Variants in BCKDK observed in about 807,000 individuals in gnomAD.
The protein encoded by BCKDK is branched-chain alpha-ketoacid dehydrogenase kinase.
BCKDK carries 28 observed loss-of-function variants against 43.9 expected under a neutral mutation model. The ratio of observed to expected loss-of-function variants is 0.64; its 90% CI spans 0.47 to 0.87. The LOEUF (loss-of-function observed/expected upper bound fraction) is 0.87, where lower values mean the gene tolerates loss of function less well. Ranked by LOEUF, BCKDK falls within the 40% of genes least tolerant of loss-of-function variation. The pLI, the probability that BCKDK is intolerant of heterozygous loss-of-function variation, is 0.00. For synonymous variants in BCKDK, 257 were observed against 234.3 expected (o/e 1.10, Z -0.88); for missense variants, 483 against 581.4 (o/e 0.83, Z 1.74).
In BCKDK at chr16:31,109,734, TC is replaced by T; in HGVS notation, c.328del (p.Arg110AlafsTer27). 1.2e-6 allele frequency: 2 copies of T among 1,613,964 alleles called. No homozygotes were observed. The highest frequency in any genetic ancestry group is 1.7e-6 in the Non-Finnish European group (2 of 1,180,020). The part of the protein sequence containing the change: ...PVRIAHRIKG[F>X]RCLPFIIGCN... Reference sequence around the variant, plus strand: ...AGGATTGCTCACCGCATCAAGGGCTTCCGCTGCCTTCCTTTCATCATTGGCT... The same window carrying T: ...AGGATTGCTCACCGCATCAAGGGCTTCGCTGCCTTCCTTTCATCATTGGCT... On this transcript the variant is annotated frameshift_variant, in exon 4 of 12. Coordinates refer to ENST00000219794, the MANE Select transcript of BCKDK (RefSeq NM_005881.4). LOFTEE classifies it high-confidence loss of function. This position sits in a 1 kb window ranked among gnomAD's most constrained non-coding sequence, Gnocchi z 5.3.
In BCKDK at chr16:31,109,414, A is replaced by C. The variant is rs1214348501; in HGVS notation, c.191A>C (p.Glu64Ala). 6.2e-7 allele frequency: 1 copy of C among 1,609,896 alleles called. No homozygotes were observed. Among genetic ancestry groups the C allele is most frequent in the East Asian group, 2.2e-5 (1 of 44,746 alleles). The change falls in exon 2 of 12, where the codon GAG (glutamate) becomes GCG (alanine). Residue 64 changes from glutamate to alanine, a missense_variant. By Grantham distance (107) the Glu-to-Ala change is moderately radical (BLOSUM62 -1). Transcript: ENST00000219794. This position sits in a 1 kb window ranked among gnomAD's most constrained non-coding sequence, Gnocchi z 5.3. ...YNQSAIDAAA[E>A]KPSVRLTPTM... The stretch of plus-strand genomic sequence containing the variant: ...CAGTCGGCCATCGACGCGGCAGCGG[A>C]GAAGGTGCGCAAGGGGGCAGCCAGC...
At chr16:31,116,325 G>C (rs898730618), downstream of BCKDK, among the ~76,000 whole-genome samples, 8 of 151,098 alleles carry the variant, frequency 5.3e-5, no homozygotes, top group Admixed American at 2.0e-4. Context: ...CGATTCTCCT[G>C]CCTCAGCCTC....
rs745308051 is a variant in BCKDK at position 31,111,154 on chromosome 16, C to T, written c.780C>T (p.Ala260=). 5 of 1,614,164 alleles carry T rather than the reference C, an allele frequency of 3.1e-6. No homozygotes were observed. The South Asian group carries it at 4.4e-5, about 14-fold the overall frequency. ...PRVRINGHVA[A]RFPFIPMPLD... ...TCCGCATCAATGGCCATGTGGCTGC[C>T]CGGTTCCCCTTCATCCCTATGCCAC... is the stretch of plus-strand genomic sequence containing the variant. The change falls in exon 9 of 12, where the codon GCC becomes GCT. Residue 260 remains alanine (A), a synonymous_variant. Coordinates refer to ENST00000219794, the MANE Select transcript of BCKDK (RefSeq NM_005881.4).
rs1199060831 is a variant in BCKDK, at chr16:31,112,365, C to T, written c.*100C>T. ...CGGCCCCCTGCTCCACACACTGCTG[C>T]ATCTTGGGTCTCAGGGACCCAGACA... On this transcript the variant is annotated 3_prime_UTR_variant, in exon 12 of 12. Coordinates refer to ENST00000219794, the MANE Select transcript of BCKDK (RefSeq NM_005881.4). The surrounding 1 kb of genome is among the most constrained non-coding windows in gnomAD (Gnocchi z 5.0). The T allele has an allele frequency of 6.4e-7, 1 of 1,555,156 alleles. No individual in the cohort carries two copies. Among genetic ancestry groups the T allele is most frequent in the Non-Finnish European group, 8.7e-7 (1 of 1,144,324 alleles).
chr16:31,109,800 C>G lies in BCKDK; in HGVS notation c.375+17C>G. On this transcript the variant is annotated intron_variant, in intron 4 of 11. Coordinates refer to ENST00000219794, the MANE Select transcript of BCKDK (RefSeq NM_005881.4). This position sits in a 1 kb window ranked among gnomAD's most constrained non-coding sequence, Gnocchi z 5.3. The stretch of plus-strand genomic sequence containing the variant: ...CTGCACGTGGTAAGGTAGAGAGGAC[C>G]TTAGGTCAGCGGGCCACCCTGCCCC... 1 of 1,612,076 alleles carries G rather than the reference C, an allele frequency of 6.2e-7. No individual in the cohort carries two copies. Among genetic ancestry groups the G allele is most frequent in the Non-Finnish European group, 8.5e-7 (1 of 1,178,690 alleles).
In BCKDK at chr16:31,109,812, G is replaced by A. The variant is rs371628815; in HGVS notation, c.375+29G>A. The A allele has an allele frequency of 6.2e-7, 1 of 1,606,756 alleles. No homozygotes were observed. The highest frequency in any genetic ancestry group is 8.5e-7 in the Non-Finnish European group (1 of 1,174,024). ...AGGTAGAGAGGACCTTAGGTCAGCG[G>A]GCCACCCTGCCCCGGGGGCAAGTGG... On this transcript the variant is annotated intron_variant, in intron 4 of 11. Coordinates refer to ENST00000219794, the MANE Select transcript of BCKDK (RefSeq NM_005881.4). The surrounding 1 kb of genome is among the most constrained non-coding windows in gnomAD (Gnocchi z 5.3).
chr16:31,108,836 C>G lies in BCKDK; in HGVS notation c.-177-211C>G, dbSNP rs1461109038. 1.9e-5 allele frequency: 3 copies of G among 161,688 alleles called. No homozygotes were observed. Among genetic ancestry groups the G allele is most frequent in the African/African-American group, 7.2e-5 (3 of 41,726 alleles). The allele number at this position is 161,688 out of a possible 1,614,324, so 10.0% of individuals were successfully genotyped here. A position where few individuals can be genotyped will look rare whatever the true frequency, so the allele number is the denominator to read the frequency against. ...AGGGTCTGAGGGGCTCCTCCCCCGA[C>G]AGCCCTCCCACCGCCAGTAGAGCCT... is the stretch of plus-strand genomic sequence containing the variant. On this transcript the variant is annotated intron_variant, in intron 1 of 11. Transcript: ENST00000219794. This position sits in a 1 kb window ranked among gnomAD's most constrained non-coding sequence, Gnocchi z 6.2.
Position 31,110,566 on chromosome 16 carries a change from TCCGGGTCAAGGG to T in BCKDK, c.642+70_642+81del. Reference sequence around the variant, plus strand: ...GAGACAGAGGAGACTGGGCTGGGGATCCGGGTCAAGGGCCTGGGGGCTGAGGCTGTGGGGCTG... The same window carrying T: ...GAGACAGAGGAGACTGGGCTGGGGATCCTGGGGGCTGAGGCTGTGGGGCTG... On this transcript the variant is annotated intron_variant, in intron 7 of 11. Coordinates refer to ENST00000219794, the MANE Select transcript of BCKDK (RefSeq NM_005881.4). The surrounding 1 kb of genome is among the most constrained non-coding windows in gnomAD (Gnocchi z 5.4). 1 of 1,599,724 alleles carries T rather than the reference TCCGGGTCAAGGG, an allele frequency of 6.3e-7. No individual in the cohort carries two copies. Among genetic ancestry groups the T allele is most frequent in the Non-Finnish European group, 8.6e-7 (1 of 1,167,656 alleles).
chr16:31,110,723 A>C lies in BCKDK; in HGVS notation c.678A>C (p.Ser226=), dbSNP rs2143942072. 1 of 1,614,074 alleles carries C rather than the reference A, an allele frequency of 6.2e-7. No homozygotes were observed. The highest frequency in any genetic ancestry group is 2.2e-5 in the East Asian group (1 of 44,872). ...TCGGCATCATCTGTACTCGTCTCTC[A>C]CCAAAGAAGATTATTGAGAAGTGGG... ...DFVGIICTRL[S]PKKIIEKWVD... The change falls in exon 8 of 12, where the codon TCA becomes TCC. Residue 226 remains serine (S), a synonymous_variant. Coordinates refer to ENST00000219794, the MANE Select transcript of BCKDK (RefSeq NM_005881.4). The surrounding 1 kb of genome is among the most constrained non-coding windows in gnomAD (Gnocchi z 5.4).
At position 31,110,779 on chromosome 16, in the gene BCKDK, CAG is replaced by C. The variant is rs772935236; in HGVS notation, c.716+19_716+20del. 17 of 1,611,732 alleles carry C rather than the reference CAG, an allele frequency of 1.1e-5. No homozygotes were observed. Among genetic ancestry groups the C allele is most frequent in the Admixed American group, 1.7e-5 (1 of 60,010 alleles). On this transcript the variant is annotated intron_variant, in intron 8 of 11. Coordinates refer to ENST00000219794, the MANE Select transcript of BCKDK (RefSeq NM_005881.4). The surrounding 1 kb of genome is among the most constrained non-coding windows in gnomAD (Gnocchi z 5.4). ...TTTGCCAGGTGAGGCAAGAATGGCTCAGGGGGTGGGCAGACATCTGGGGCAGG... is the reference window on the plus strand; with the variant it reads ...TTTGCCAGGTGAGGCAAGAATGGCTCGGGGTGGGCAGACATCTGGGGCAGG...
downstream of BCKDK, among the ~76,000 whole-genome samples, chr16:31,116,310 T>TG (rs1200246036): frequency 6.7e-6 from 1 of 150,266 alleles, no homozygotes; most frequent in African/African-American, 2.5e-5. Flanking sequence ...CCTCCCGGGT[T>TG]CAAGCGATTC....
In BCKDK at chr16:31,112,475, G is replaced by A. The variant is rs2057422296; in HGVS notation, c.*210G>A. The A allele has an allele frequency of 2.7e-6, 2 of 732,728 alleles. No individual in the cohort carries two copies. Among genetic ancestry groups the A allele is most frequent in the Non-Finnish European group, 2.3e-6 (1 of 429,156 alleles). 45.4% of individuals were successfully genotyped at this position (732,728 alleles called of 1,614,324 possible). On this transcript the variant is annotated 3_prime_UTR_variant, in exon 12 of 12. Transcript: ENST00000219794. The surrounding 1 kb of genome is among the most constrained non-coding windows in gnomAD (Gnocchi z 5.0). The stretch of plus-strand genomic sequence containing the variant: ...CTCCAGAACTTGGAGCAGGGAAGTG[G>A]GCACCCTGAGGCCTCCAGCACCAGT...
In BCKDK at chr16:31,112,359, C is replaced by T. The variant is rs535312603; in HGVS notation, c.*94C>T. 1.3e-6 allele frequency: 2 copies of T among 1,566,680 alleles called. No individual in the cohort carries two copies. Among genetic ancestry groups the T allele is most frequent in the Non-Finnish European group, 1.7e-6 (2 of 1,153,336 alleles). The stretch of plus-strand genomic sequence containing the variant: ...GCAGGGCGGCCCCCTGCTCCACACA[C>T]TGCTGCATCTTGGGTCTCAGGGACC... On this transcript the variant is annotated 3_prime_UTR_variant, in exon 12 of 12. Coordinates refer to ENST00000219794, the MANE Select transcript of BCKDK (RefSeq NM_005881.4). The surrounding 1 kb of genome is among the most constrained non-coding windows in gnomAD (Gnocchi z 5.0).
intron 10 of BCKDK, 105 bp downstream of exon 10, chr16:31,111,494 C>CCAAG: frequency 7.8e-7 from 1 of 1,287,280 alleles, no homozygotes; most frequent in Non-Finnish European, 1.1e-6. Context: ...CATTCTGGGA[C>CCAAG]TTGGTCCCTG....
downstream of BCKDK, among the ~76,000 whole-genome samples, chr16:31,117,166 T>TCAAG (rs2143957687): frequency 6.6e-6 from 1 of 151,604 alleles, no homozygotes; most frequent in African/African-American, 2.4e-5. Flanking sequence ...GGTCAAGAGA[T>TCAAG]CAAGACTATC....
rs1367434567 is a variant in BCKDK at position 31,112,448 on chromosome 16, G to A, written c.*183G>A. 15 of 998,796 alleles carry A rather than the reference G, an allele frequency of 1.5e-5. No individual in the cohort carries two copies. Among genetic ancestry groups the A allele is most frequent in the East Asian group, 7.9e-5 (3 of 38,086 alleles). 61.9% of individuals were successfully genotyped at this position (998,796 alleles called of 1,614,324 possible). On this transcript the variant is annotated 3_prime_UTR_variant, in exon 12 of 12. Transcript: ENST00000219794. The surrounding 1 kb of genome is among the most constrained non-coding windows in gnomAD (Gnocchi z 5.0). Reference sequence around the variant, plus strand: ...CCTCAACAGGGTCCATTGCCTCCTCGCCTCCAGAACTTGGAGCAGGGAAGT... The same window carrying A: ...CCTCAACAGGGTCCATTGCCTCCTCACCTCCAGAACTTGGAGCAGGGAAGT...
In BCKDK at chr16:31,112,451, T is replaced by A; in HGVS notation, c.*186T>A. The stretch of plus-strand genomic sequence containing the variant: ...CAACAGGGTCCATTGCCTCCTCGCC[T>A]CCAGAACTTGGAGCAGGGAAGTGGG... On this transcript the variant is annotated 3_prime_UTR_variant, in exon 12 of 12. Transcript: ENST00000219794. This position sits in a 1 kb window ranked among gnomAD's most constrained non-coding sequence, Gnocchi z 5.0. 1.0e-6 allele frequency: 1 copy of A among 978,462 alleles called. No homozygotes were observed. Among genetic ancestry groups the A allele is most frequent in the Non-Finnish European group, 1.6e-6 (1 of 643,964 alleles). 60.6% of individuals were successfully genotyped at this position (978,462 alleles called of 1,614,324 possible). A position where few individuals can be genotyped will look rare whatever the true frequency, so the allele number is the denominator to read the frequency against.
At position 31,112,586 on chromosome 16, in the gene BCKDK, G is replaced by T; in HGVS notation, c.*321G>T. ...AATGCCCTCTCGGGCCCCGTGTGTG[G>T]GGAGGGCAGGTGAACTTTTGTTTCT... On this transcript the variant is annotated 3_prime_UTR_variant, in exon 12 of 12. Coordinates refer to ENST00000219794, the MANE Select transcript of BCKDK (RefSeq NM_005881.4). This position sits in a 1 kb window ranked among gnomAD's most constrained non-coding sequence, Gnocchi z 5.0. 2.2e-6 allele frequency: 1 copy of T among 453,376 alleles called. No individual in the cohort carries two copies. The highest frequency in any genetic ancestry group is 4.1e-6 in the Non-Finnish European group (1 of 243,326). 28.1% of individuals were successfully genotyped at this position (453,376 alleles called of 1,614,324 possible).
intron 9 of BCKDK, 35 bp from the exon 10 acceptor site, chr16:31,111,265 G>A: frequency 5.6e-6 from 9 of 1,614,132 alleles, no homozygotes; most frequent in Non-Finnish European, 7.6e-6. Context: ...AGGAACCGGG[G>A]TGCTTGTACC....
Sources: allele counts gnomAD v4.1 joint callset (sites outside exome capture counted in the v4.1 genomes callset), GRCh38; gene constraint gnomAD v4.1.1; non-coding constraint Gnocchi (gnomAD v3.1); transcripts MANE v1.5; gene names NCBI Gene and HGNC (gene_info 2026-07-23, HGNC 2026-07-21).